The following KLHL13 variants were observed in gnomAD, a reference collection of about 807,000 sequenced individuals.
KLHL13 encodes kelch like family member 13.
In KLHL13, 10 loss-of-function variants were observed where a neutral mutation model predicts 37.1. The ratio of observed to expected loss-of-function variants is 0.27; its 90% CI spans 0.17 to 0.46. The LOEUF (loss-of-function observed/expected upper bound fraction) is 0.46, where lower values mean the gene tolerates loss of function less well. Among genes scored for constraint, KLHL13 ranks in the 20% least tolerant of loss-of-function variants. The pLI is 1.00. For missense variants in KLHL13, 360 were observed against 509.3 expected (o/e 0.71, Z 2.82); for synonymous variants, 163 against 181.2 (o/e 0.90, Z 0.81).
chrX:117,973,957 T>A (rs762499866), upstream of KLHL13, among the ~76,000 whole-genome samples: 2 of 109,281 alleles, frequency 1.8e-5, no homozygotes, highest in African/African-American at 6.7e-5. Context: ...CTATAGGGAT[T>A]AGCGATTGTC....
chrX:117,995,234 G>A lies in KLHL13; in HGVS notation c.-55-49659C>T, dbSNP rs12845292. Reference sequence around the variant, plus strand: ...TATCTTTAAAGGAAAACTTATTACTGCAAATAGGAAACTAATAATTTCTCA... The same window carrying A: ...TATCTTTAAAGGAAAACTTATTACTACAAATAGGAAACTAATAATTTCTCA... On this transcript the variant is annotated intron_variant, in intron 1 of 6. Transcript: ENST00000371882. 7.0e-3 allele frequency among the ~76,000 whole-genome samples: 778 copies of A among 111,052 alleles called. 11 individuals carry two copies. Among genetic ancestry groups the A allele is most frequent in the African/African-American group, 0.024 (737 of 30,556 alleles).
At chrX:118,041,217 G>A (rs1462053845) in intron 1 of KLHL13, among the ~76,000 whole-genome samples, 4 of 112,279 alleles carry the variant, frequency 3.6e-5, no homozygotes, top group Non-Finnish European at 7.5e-5. Context: ...AGCATAAACA[G>A]TATAACAAGA....
rs56373597 is a variant in KLHL13 at position 117,991,846 on chromosome X, A to ACTCTCTCT, written c.-55-46279_-55-46272dup. Among the ~76,000 whole-genome samples the ACTCTCTCT allele has an allele frequency of 4.2e-3, 266 of 63,494 alleles. 1 individual carries two copies. The highest frequency in any genetic ancestry group is 5.4e-3 in the Non-Finnish European group (179 of 32,845). The allele number at this position is 63,494 out of a possible 115,157, so 55.1% of individuals were successfully genotyped here. On this transcript the variant is annotated intron_variant, in intron 1 of 6. Transcript: ENST00000371882. ...TCAAAATATCTTCTCCTACAGTGAA[A>ACTCTCTCT]CTCTCTCTCTCTCTCTCTCTCTCTC...
chrX:118,053,817 G>A (rs1430899669), intron 1 of KLHL13, among the ~76,000 whole-genome samples: 1 of 28,602 alleles, frequency 3.5e-5, no homozygotes, highest in Non-Finnish European at 6.7e-5. Context: ...GAGAGAGAGA[G>A]AGGAGAGGAG....
At chrX:117,901,066 C>A (rs1930056108) in intron 6 of KLHL13, among the ~76,000 whole-genome samples, 1 of 111,208 alleles carries the variant, frequency 9.0e-6, no homozygotes, top group Non-Finnish European at 1.9e-5. Flanking sequence ...ATAATCAGCA[C>A]AGAAATATTT....
Position 118,108,482 on chromosome X carries a change from T to C in KLHL13, c.-56+8026A>G, listed in dbSNP as rs776375154. On this transcript the variant is annotated intron_variant, in intron 1 of 6. Coordinates refer to the KLHL13 transcript ENST00000371882. ...TTCTCATCTGGAGCAAATTAAACCA[T>C]CACGTTGTAACAGGCATTCCTCCAA... 1.1e-4 allele frequency among the ~76,000 whole-genome samples: 12 copies of C among 112,488 alleles called. No individual in the cohort carries two copies. The South Asian group carries it at 1.1e-3, about 10-fold the overall frequency.
intron 1 of KLHL13, among the ~76,000 whole-genome samples, chrX:117,989,013 T>C (rs985826182): frequency 1.4e-4 from 16 of 111,602 alleles, no homozygotes; most frequent in Admixed American, 4.8e-4. Flanking sequence ...TTTTATCATG[T>C]TAGTTTGGAA....
At position 117,925,127 on chromosome X, in the gene KLHL13, TGGAAACC is replaced by T. The variant is rs1225354808; in HGVS notation, c.241-4764_241-4758del. On this transcript the variant is annotated intron_variant, in intron 2 of 6. Transcript: ENST00000262820. ...GACTTGATATTACAGGATTATAACA[TGGAAACC>T]AGACAAGCTATGAATAATTTGTATA... 3.4e-3 allele frequency among the ~76,000 whole-genome samples: 377 copies of T among 111,311 alleles called. 5 individuals carry two copies. Among genetic ancestry groups the T allele is most frequent in the African/African-American group, 0.011 (348 of 30,796 alleles).
chrX:118,043,609 T>G (rs1388327742), intron 1 of KLHL13, among the ~76,000 whole-genome samples: 1 of 111,996 alleles, frequency 8.9e-6, no homozygotes, highest in Non-Finnish European at 1.9e-5. Flanking sequence ...ATGTGGTATA[T>G]AATATCAATA....
chrX:117,956,668 C>T (rs1451417228), intron 1 of KLHL13, among the ~76,000 whole-genome samples: 3 of 111,988 alleles, frequency 2.7e-5, no homozygotes, highest in Non-Finnish European at 5.6e-5. Context: ...CAGTGTTTCA[C>T]ACCCCAAACT....
intron 1 of KLHL13, among the ~76,000 whole-genome samples, chrX:118,085,286 C>A (rs778446229): frequency 9.0e-6 from 1 of 110,674 alleles, no homozygotes; most frequent in Non-Finnish European, 1.9e-5. Flanking sequence ...ACACAATAGG[C>A]CATTTATTGT....
At chrX:118,070,731 T>C (rs1321435093) in intron 1 of KLHL13, among the ~76,000 whole-genome samples, 1 of 105,751 alleles carries the variant, frequency 9.5e-6, no homozygotes, top group African/African-American at 3.7e-5. Context: ...TTTCTTTTTT[T>C]TAATTTTTAA....
At chrX:118,032,309 C>T (rs2054363357) in intron 1 of KLHL13, among the ~76,000 whole-genome samples, 1 of 112,336 alleles carries the variant, frequency 8.9e-6, no homozygotes, top group African/African-American at 3.3e-5. Context: ...AACAAAAAGA[C>T]AGCAGTAACC....
chrX:117,924,419 C>A (rs1255779447), intron 2 of KLHL13, among the ~76,000 whole-genome samples: 1 of 112,067 alleles, frequency 8.9e-6, no homozygotes. Context: ...ACTCATAAAT[C>A]TTTTCCCCTA....
intron 1 of KLHL13, among the ~76,000 whole-genome samples, chrX:118,020,946 A>T (rs1312769606): frequency 5.8e-5 from 5 of 85,962 alleles, no homozygotes; most frequent in African/African-American, 1.8e-4. Flanking sequence ...AACAATGAGA[A>T]CACATGGACA....
chrX:117,909,648 G>A, exon 5 of KLHL13: 2 of 1,211,585 alleles, frequency 1.7e-6, no homozygotes, highest in Non-Finnish European at 2.2e-6. Flanking sequence ...AACCAAGTGA[G>A]TGGTGTCAGA....
chrX:118,069,834 G>A (rs1414684279), intron 1 of KLHL13, among the ~76,000 whole-genome samples: 2 of 111,875 alleles, frequency 1.8e-5, no homozygotes, highest in Non-Finnish European at 3.8e-5. Context: ...AAAGTCTATA[G>A]TAGTGTACAA....
intron 1 of KLHL13, among the ~76,000 whole-genome samples, chrX:118,097,181 C>G (rs1458440379): frequency 1.8e-5 from 2 of 111,555 alleles, no homozygotes; most frequent in East Asian, 5.6e-4. Flanking sequence ...TAGAAAACCC[C>G]ATTGTCTCAG....
intron 2 of KLHL13, among the ~76,000 whole-genome samples, chrX:117,943,750 CT>C (rs982030647): frequency 1.5e-4 from 16 of 109,489 alleles, no homozygotes; most frequent in African/African-American, 5.3e-4. Context: ...AGGTTCTTAG[CT>C]TCCTTGCATT....
Sources: allele counts gnomAD v4.1 joint callset (sites outside exome capture counted in the v4.1 genomes callset), GRCh38; gene constraint gnomAD v4.1.1; transcripts MANE v1.5; gene names NCBI Gene and HGNC (gene_info 2026-07-23, HGNC 2026-07-21).